KCNH1: variants seen among roughly 807,000 people sequenced by gnomAD.
KCNH1 encodes the protein voltage-gated delayed rectifier potassium channel KCNH1.
Under a neutral mutation model 69.2 loss-of-function variants are expected in KCNH1, and 27 were observed. The ratio of observed to expected loss-of-function variants is 0.39; its 90% CI spans 0.29 to 0.54. The LOEUF is 0.54. Ranked by LOEUF, KCNH1 falls within the 20% of genes least tolerant of loss-of-function variation. KCNH1 has a pLI of 0.68. For synonymous variants in KCNH1, 456 were observed against 487.7 expected (o/e 0.93, Z 0.86); for missense variants, 798 against 1,261.6 (o/e 0.63, Z 5.57).
intron 6 of KCNH1, among the ~76,000 whole-genome samples, chr1:210,958,031 T>C (rs577172802): frequency 2.6e-5 from 4 of 152,346 alleles, no homozygotes; most frequent in Admixed American, 2.0e-4. Context: ...CAATTTGGCA[T>C]GTTTTTGTAG....
intron 1 of KCNH1, among the ~76,000 whole-genome samples, chr1:211,114,835 G>T (rs1251906996): frequency 2.6e-5 from 4 of 152,134 alleles, no homozygotes; most frequent in African/African-American, 9.7e-5. Context: ...GTAACCCACT[G>T]CTTGGACAAA....
chr1:210,937,976 G>A (rs186690730), intron 6 of KCNH1, among the ~76,000 whole-genome samples: 61 of 152,252 alleles, frequency 4.0e-4, no homozygotes, highest in African/African-American at 1.3e-3. Context: ...CTAATGACCT[G>A]CAAATCTACC....
At chr1:210,756,883 T>C (rs1432288857) in intron 10 of KCNH1, among the ~76,000 whole-genome samples, 1 of 152,174 alleles carries the variant, frequency 6.6e-6, no homozygotes, top group East Asian at 1.9e-4. Flanking sequence ...AGGAAGGAGC[T>C]AGAAACAAAT....
At chr1:210,974,522 A>G (rs1259587025) in intron 6 of KCNH1, among the ~76,000 whole-genome samples, 1 of 147,992 alleles carries the variant, frequency 6.8e-6, no homozygotes, top group East Asian at 2.0e-4. Context: ...TCAGAGTACT[A>G]CTAGTCTCAA....
intron 10 of KCNH1, among the ~76,000 whole-genome samples, chr1:210,688,292 T>G (rs1336135353): frequency 6.6e-6 from 1 of 152,206 alleles, no homozygotes; most frequent in East Asian, 1.9e-4. Flanking sequence ...GTCAGTTGTT[T>G]CCTGTTCCAA....
intron 7 of KCNH1, among the ~76,000 whole-genome samples, chr1:210,809,876 T>C (rs998137314): frequency 6.6e-6 from 1 of 152,174 alleles, no homozygotes; most frequent in Admixed American, 6.5e-5. Flanking sequence ...CATCCTATTA[T>C]GGCCAGGAAC....
intron 7 of KCNH1, among the ~76,000 whole-genome samples, chr1:210,910,629 A>C (rs1295006291): frequency 6.6e-6 from 1 of 152,248 alleles, no homozygotes; most frequent in Non-Finnish European, 1.5e-5. Flanking sequence ...CTGGGTTTGC[A>C]TTCTGCCTTC....
rs1691857676 is a variant in KCNH1, at chr1:211,130,512, A to G, written c.79+3355T>C. ...TCACAAGGAGGGTTTCTTGTTTACC[A>G]CTGTATCCTCAGTGTTCCATAAATA... is the stretch of plus-strand genomic sequence containing the variant. On this transcript the variant is annotated intron_variant, in intron 1 of 10. Coordinates refer to ENST00000271751, the MANE Select transcript of KCNH1 (RefSeq NM_172362.3). Among the ~76,000 whole-genome samples, 5 of 152,322 alleles carry G rather than the reference A, an allele frequency of 3.3e-5. No individual in the cohort carries two copies. In the South Asian group the frequency reaches 1.0e-3, roughly 32 times the overall value.
At chr1:211,048,789 A>C (rs1245001995) in intron 5 of KCNH1, among the ~76,000 whole-genome samples, 1 of 152,172 alleles carries the variant, frequency 6.6e-6, no homozygotes, top group Non-Finnish European at 1.5e-5. Context: ...ATCACCACTA[A>C]AGAACTTGTC....
At chr1:210,866,425 A>G (rs1309852432) in intron 7 of KCNH1, among the ~76,000 whole-genome samples, 1 of 152,180 alleles carries the variant, frequency 6.6e-6, no homozygotes, top group East Asian at 1.9e-4. Flanking sequence ...CAATAGTGAA[A>G]AAATAACCCA....
chr1:210,994,181 G>T (rs570989231), intron 6 of KCNH1, among the ~76,000 whole-genome samples: 1 of 152,284 alleles, frequency 6.6e-6, no homozygotes, highest in Admixed American at 6.5e-5. Flanking sequence ...CTCAAATGAT[G>T]ATACCACTAA....
At chr1:210,859,089 G>T in intron 7 of KCNH1, 2 of 816,898 alleles carry the variant, frequency 2.4e-6, no homozygotes, top group East Asian at 2.5e-5. Context: ...GTTTAGAATA[G>T]ATAACATGAA....
rs144773998 is a variant in KCNH1, at chr1:210,773,457, G to C, written c.2112+1891C>G. Among the ~76,000 whole-genome samples, 409 of 152,290 alleles carry C rather than the reference G, an allele frequency of 2.7e-3. 1 individual carries two copies. Among genetic ancestry groups the C allele is most frequent in the African/African-American group, 9.2e-3 (384 of 41,566 alleles). ...AAGGCACCAAGCCCTTGCCTTCTCAGGTCTCTGTGCAGGGACCCACAAGAT... is the reference window on the plus strand; with the variant it reads ...AAGGCACCAAGCCCTTGCCTTCTCACGTCTCTGTGCAGGGACCCACAAGAT... On this transcript the variant is annotated intron_variant, in intron 10 of 10. Coordinates refer to ENST00000271751, the MANE Select transcript of KCNH1 (RefSeq NM_172362.3).
chr1:211,037,488 A>G (rs1689918695), intron 5 of KCNH1, among the ~76,000 whole-genome samples: 1 of 138,362 alleles, frequency 7.2e-6, no homozygotes, highest in South Asian at 2.3e-4. Flanking sequence ...TTCCTAATTC[A>G]GTGCTTTTTT....
Position 210,928,067 on chromosome 1 carries a change from T to C in KCNH1, c.1033-7998A>G, listed in dbSNP as rs149166870. ...GGATCTCCCAAATTTATAAAACAAT[T>C]ACTACTAGACCTAAGAAATGAGATA... On this transcript the variant is annotated intron_variant, in intron 6 of 10. Coordinates refer to ENST00000271751, the MANE Select transcript of KCNH1 (RefSeq NM_172362.3). 8.1e-3 allele frequency among the ~76,000 whole-genome samples: 1,236 copies of C among 152,152 alleles called. 14 individuals carry two copies. Among genetic ancestry groups the C allele is most frequent in the African/African-American group, 0.026 (1,079 of 41,520 alleles).
At chr1:210,697,785 A>G (rs1019543337) in intron 10 of KCNH1, among the ~76,000 whole-genome samples, 8 of 152,194 alleles carry the variant, frequency 5.3e-5, no homozygotes, top group South Asian at 2.1e-4. Flanking sequence ...GCCAAGGGCA[A>G]TATTTCCAAG....
chr1:210,825,561 A>G (rs1478665246), intron 7 of KCNH1, among the ~76,000 whole-genome samples: 1 of 152,206 alleles, frequency 6.6e-6, no homozygotes, highest in Non-Finnish European at 1.5e-5. Context: ...TCCTAGTATT[A>G]TAAAAATAGT....
chr1:211,020,756 C>T (rs1689573777), intron 5 of KCNH1, among the ~76,000 whole-genome samples: 1 of 151,922 alleles, frequency 6.6e-6, no homozygotes. Flanking sequence ...CACTAGCAAA[C>T]TGAATCCAAC....
chr1:210,954,117 C>T (rs1212696618), intron 6 of KCNH1, among the ~76,000 whole-genome samples: 2 of 151,810 alleles, frequency 1.3e-5, no homozygotes, highest in Non-Finnish European at 2.9e-5. Context: ...CAAGTGTTCT[C>T]ATTGTTCAGT....
Sources: allele counts gnomAD v4.1 joint callset (sites outside exome capture counted in the v4.1 genomes callset), GRCh38; gene constraint gnomAD v4.1.1; transcripts MANE v1.5; gene names NCBI Gene and HGNC (gene_info 2026-07-23, HGNC 2026-07-21).